The following ALPK1 variants were observed in gnomAD, a reference collection of about 807,000 sequenced individuals.
ALPK1 encodes the protein alpha kinase 1.
In ALPK1, 110 loss-of-function variants were observed where a neutral mutation model predicts 120.6. The ratio of observed to expected loss-of-function variants is 0.91; its 90% CI spans 0.78 to 1.07. ALPK1 has a LOEUF of 1.07. ALPK1 is among the 50% of genes least tolerant of loss of function. ALPK1 has a pLI of 0.00. For missense variants in ALPK1, 1,498 were observed against 1,483.9 expected (o/e 1.01, Z -0.16); for synonymous variants, 582 against 560.3 (o/e 1.04, Z -0.55).
chr4:112,341,142 C>A (rs1332551847), intron 2 of ALPK1, among the ~76,000 whole-genome samples: 1 of 152,124 alleles, frequency 6.6e-6, no homozygotes, highest in African/African-American at 2.4e-5. Flanking sequence ...TTTTATATCT[C>A]AGTTTTGAAG....
chr4:112,424,016 A>G lies in ALPK1; in HGVS notation c.535+13A>G, dbSNP rs767363240. Reference sequence around the variant, plus strand: ...AATGGAGCAACGGGTGAGTACTTTCATATCTTCACAATGACTTTTACCTCA... The same window carrying G: ...AATGGAGCAACGGGTGAGTACTTTCGTATCTTCACAATGACTTTTACCTCA... On this transcript the variant is annotated intron_variant, in intron 6 of 15. Transcript: ENST00000650871. The G allele has an allele frequency of 5.0e-6, 8 of 1,612,308 alleles. No individual in the cohort carries two copies. The highest frequency in any genetic ancestry group is 2.2e-5 in the East Asian group (1 of 44,876).
At position 112,431,162 on chromosome 4, in the gene ALPK1, T is replaced by C. The variant is rs767139820; in HGVS notation, c.1615T>C (p.Trp539Arg). ...ACTCAGAAGGGGAGGAAGGAGAAAC[T>C]GGACCCATTCTGATGCATTTCGAGT... is the stretch of plus-strand genomic sequence containing the variant. ...RELRRGGRRN[W>R]THSDAFRVSL... Residue 539 changes from tryptophan to arginine, a missense_variant, in exon 11 of 16, where the codon TGG becomes CGG. Transcript: ENST00000650871. The C allele has an allele frequency of 6.2e-7, 1 of 1,614,046 alleles. No homozygotes were observed. Among genetic ancestry groups the C allele is most frequent in the African/African-American group, 1.3e-5 (1 of 74,916 alleles).
At chr4:112,383,801 C>T (rs2148730176) in intron 4 of ALPK1, 1 of 152,214 alleles carries the variant, frequency 6.6e-6, no homozygotes, top group South Asian at 2.1e-4. Context: ...TATAATAGGT[C>T]AAAAATATTA....
chr4:112,432,731 G>C, intron 11 of ALPK1, 150 bp downstream of exon 11: 2 of 764,130 alleles, frequency 2.6e-6, no homozygotes, highest in South Asian at 3.7e-5. Flanking sequence ...ATACTTCAGG[G>C]GTCTCCCTCA....
chr4:112,323,470 G>A (rs539140058), intron 2 of ALPK1, among the ~76,000 whole-genome samples: 53 of 152,208 alleles, frequency 3.5e-4, no homozygotes, highest in Admixed American at 9.2e-4. Flanking sequence ...CTGGCACATA[G>A]CAGGTATCCA....
chr4:112,359,094 G>T, intron 2 of ALPK1: 1 of 735,624 alleles, frequency 1.4e-6, no homozygotes. Context: ...GACAGCGCCG[G>T]ATCCCAAGCT....
At chr4:112,417,203 A>T (rs1017166686) in intron 5 of ALPK1, among the ~76,000 whole-genome samples, 1 of 152,196 alleles carries the variant, frequency 6.6e-6, no homozygotes, top group Non-Finnish European at 1.5e-5. Flanking sequence ...TCATTCACAC[A>T]CACACTCACA....
chr4:112,389,545 G>A (rs1356963438), intron 4 of ALPK1, among the ~76,000 whole-genome samples: 1 of 152,210 alleles, frequency 6.6e-6, no homozygotes, highest in African/African-American at 2.4e-5. Flanking sequence ...ATTTTGTTTA[G>A]GTCCCCTAGA....
chr4:112,360,965 G>C (rs1578500134), intron 2 of ALPK1, among the ~76,000 whole-genome samples: 1 of 151,976 alleles, frequency 6.6e-6, no homozygotes, highest in East Asian at 1.9e-4. Context: ...ATCCTGCTTA[G>C]AGATCCTGAA....
At chr4:112,427,502 G>A in intron 8 of ALPK1, 68 bp from the exon 9 acceptor site, 2 of 1,061,854 alleles carry the variant, frequency 1.9e-6, no homozygotes, top group South Asian at 2.6e-5. Flanking sequence ...ATAGCCTTTA[G>A]GCCATGGATG....
chr4:112,430,103 C>A (rs959000157), intron 10 of ALPK1, among the ~76,000 whole-genome samples: 3 of 152,104 alleles, frequency 2.0e-5, no homozygotes, highest in African/African-American at 7.2e-5. Context: ...AACTTATATC[C>A]ATTTCCATGG....
Position 112,438,502 on chromosome 4 carries a change from T to C in ALPK1, c.3207T>C (p.Tyr1069=), listed in dbSNP as rs983645995. Reference sequence around the variant, plus strand: ...TTCATAGGTATGTTGGGAAAGACTATAAGGAGCAGAAGGGGCTCTGGCACC... The same window carrying C: ...TTCATAGGTATGTTGGGAAAGACTACAAGGAGCAGAAGGGGCTCTGGCACC... ...EILGRYVGKD[Y]KEQKGLWHHF... The change falls in exon 13 of 16, where the codon TAT becomes TAC. Residue 1069 remains tyrosine (Y), a synonymous_variant. Transcript: ENST00000650871. 1.2e-6 allele frequency: 2 copies of C among 1,613,516 alleles called. No individual in the cohort carries two copies. The highest frequency in any genetic ancestry group is 1.3e-5 in the African/African-American group (1 of 74,884).
At chr4:112,360,764 A>G (rs560224366) in intron 2 of ALPK1, among the ~76,000 whole-genome samples, 50 of 152,190 alleles carry the variant, frequency 3.3e-4, no homozygotes, top group Non-Finnish European at 5.6e-4. Context: ...CCCCCAGCAT[A>G]TGAAAGATAC....
chr4:112,317,384 T>C (rs1308933645), intron 2 of ALPK1, among the ~76,000 whole-genome samples: 1 of 152,166 alleles, frequency 6.6e-6, no homozygotes, highest in African/African-American at 2.4e-5. Context: ...TACATTTGTG[T>C]CTTTGGTCCA....
At chr4:112,414,305 A>T in intron 5 of ALPK1, 1 of 494,386 alleles carries the variant, frequency 2.0e-6, no homozygotes, top group South Asian at 1.5e-5. Flanking sequence ...GGGATGTCAG[A>T]AGCAAGAGAA....
intron 2 of ALPK1, chr4:112,358,895 C>T: frequency 1.3e-6 from 1 of 771,014 alleles, no homozygotes; most frequent in East Asian, 2.4e-5. Context: ...CCTGTCTTGG[C>T]CTCCTCTTTG....
At chr4:112,355,888 G>A (rs1431201667) in intron 2 of ALPK1, among the ~76,000 whole-genome samples, 1 of 152,260 alleles carries the variant, frequency 6.6e-6, no homozygotes, top group Non-Finnish European at 1.5e-5. Flanking sequence ...GGGACCCGGT[G>A]GCAGCGCTCG....
chr4:112,381,701 T>C (rs1294009766), intron 3 of ALPK1, among the ~76,000 whole-genome samples: 1 of 152,212 alleles, frequency 6.6e-6, no homozygotes, highest in East Asian at 1.9e-4. Context: ...AAATAGCCTC[T>C]AGTTAATTCA....
chr4:112,389,075 C>T (rs1212603335), intron 4 of ALPK1, among the ~76,000 whole-genome samples: 1 of 147,180 alleles, frequency 6.8e-6, no homozygotes, highest in Non-Finnish European at 1.5e-5. Flanking sequence ...GACAGCATCT[C>T]GCTCTGTTGT....
Sources: allele counts gnomAD v4.1 joint callset (sites outside exome capture counted in the v4.1 genomes callset), GRCh38; gene constraint gnomAD v4.1.1; transcripts MANE v1.5; gene names NCBI Gene and HGNC (gene_info 2026-07-23, HGNC 2026-07-21).